Variants in EPB41L2 observed in about 807,000 individuals in gnomAD.
EPB41L2 encodes erythrocyte membrane protein band 4.1 like 2.
EPB41L2 carries 43 observed loss-of-function variants against 113.0 expected under a neutral mutation model. The observed-to-expected ratio is 0.38, with a 90% confidence interval of 0.30 to 0.49. The LOEUF (loss-of-function observed/expected upper bound fraction) is 0.49, where lower values mean the gene tolerates loss of function less well. Among genes scored for constraint, EPB41L2 ranks in the 20% least tolerant of loss-of-function variants. The probability of loss-of-function intolerance (pLI) is 0.95; values close to 1 mark genes in which losing one functional copy is unlikely to be tolerated. For synonymous variants in EPB41L2, 442 were observed against 436.7 expected (o/e 1.01, Z -0.15); for missense variants, 1,147 against 1,223.4 (o/e 0.94, Z 0.93).
intron 3 of EPB41L2, among the ~76,000 whole-genome samples, chr6:130,939,556 A>T (rs905172248): frequency 6.6e-6 from 1 of 152,022 alleles, no homozygotes; most frequent in Non-Finnish European, 1.5e-5. Flanking sequence ...CCCGGCCCCA[A>T]ATAACATATT....
chr6:131,043,650 A>C (rs1199933299), intron 1 of EPB41L2, among the ~76,000 whole-genome samples: 1 of 152,336 alleles, frequency 6.6e-6, no homozygotes, highest in Non-Finnish European at 1.5e-5. Context: ...CACAATCGCA[A>C]TGTATGTACC....
At chr6:130,900,486 C>A (rs951909888) in intron 7 of EPB41L2, among the ~76,000 whole-genome samples, 3 of 152,212 alleles carry the variant, frequency 2.0e-5, no homozygotes. Context: ...AACGGGTCAT[C>A]TTCCAACGGA....
chr6:131,043,601 G>A (rs897378463), intron 1 of EPB41L2, among the ~76,000 whole-genome samples: 21 of 151,934 alleles, frequency 1.4e-4, no homozygotes, highest in African/African-American at 5.1e-4. Context: ...GAAAGAAAGG[G>A]ACAGAACCAA....
chr6:131,015,539 A>G (rs1787996090), intron 1 of EPB41L2, among the ~76,000 whole-genome samples: 1 of 152,234 alleles, frequency 6.6e-6, no homozygotes, highest in African/African-American at 2.4e-5. Context: ...CAGCCTGGGG[A>G]AGATTTACTT....
intron 1 of EPB41L2, among the ~76,000 whole-genome samples, chr6:130,980,705 CTA>C (rs1779210989): frequency 6.6e-6 from 1 of 152,142 alleles, no homozygotes; most frequent in African/African-American, 2.4e-5. Context: ...GGTAATCAAA[CTA>C]AACTCTGAAA....
intron 1 of EPB41L2, chr6:131,014,212 G>A (rs1319464335): frequency 6.6e-6 from 1 of 152,138 alleles, no homozygotes; most frequent in Non-Finnish European, 1.5e-5. Context: ...TCTTATTCAA[G>A]TATACAAAAT....
chr6:130,891,313 T>A (rs1792755483), intron 10 of EPB41L2, among the ~76,000 whole-genome samples: 1 of 152,106 alleles, frequency 6.6e-6, no homozygotes, highest in African/African-American at 2.4e-5. Flanking sequence ...ACAATTTTTT[T>A]AGAAATCATC....
intron 4 of EPB41L2, among the ~76,000 whole-genome samples, chr6:130,909,670 T>G (rs903915205): frequency 6.6e-6 from 1 of 152,182 alleles, no homozygotes; most frequent in Admixed American, 6.5e-5. Context: ...CTTAAGCTGA[T>G]AAGCAACTTC....
In EPB41L2 at chr6:130,925,704, T is replaced by C. The variant is rs563161535; in HGVS notation, c.810+901A>G. On this transcript the variant is annotated intron_variant, in intron 4 of 19. Coordinates refer to ENST00000337057, the MANE Select transcript of EPB41L2 (RefSeq NM_001431.4). ...TTAGGACAAACAGAAGAGCACATAA[T>C]TGGAAACATTATCAAGACCACCTTA... Among the ~76,000 whole-genome samples, 7 of 152,228 alleles carry C rather than the reference T, an allele frequency of 4.6e-5. No homozygotes were observed. In the South Asian group the frequency reaches 6.2e-4, roughly 14 times the overall value.
chr6:130,844,514 C>A (rs1776407653), intron 19 of EPB41L2, among the ~76,000 whole-genome samples: 1 of 152,002 alleles, frequency 6.6e-6, no homozygotes, highest in South Asian at 2.1e-4. Flanking sequence ...GAAGGTTGCG[C>A]AAGCTGGGAT....
chr6:130,857,620 G>GC (rs1780699777), intron 19 of EPB41L2, among the ~76,000 whole-genome samples: 1 of 126,716 alleles, frequency 7.9e-6, no homozygotes, highest in Non-Finnish European at 1.6e-5. Flanking sequence ...GTTCAGTGGC[G>GC]CAATGTTGGC....
intron 4 of EPB41L2, among the ~76,000 whole-genome samples, chr6:130,914,676 C>T (rs569857864): frequency 6.6e-6 from 1 of 152,210 alleles, no homozygotes; most frequent in East Asian, 1.9e-4. Context: ...CTCAGTGTTT[C>T]CCAAACATTA....
At chr6:130,865,001 T>G (rs9388863) in intron 17 of EPB41L2, among the ~76,000 whole-genome samples, 49,454 of 152,110 alleles carry the variant, frequency 0.33, 8,785 homozygotes, top group East Asian at 0.45. Flanking sequence ...ACGCTATTTA[T>G]ACTTCTAACA....
intron 19 of EPB41L2, among the ~76,000 whole-genome samples, chr6:130,855,503 T>A (rs1442742124): frequency 2.0e-5 from 3 of 152,190 alleles, no homozygotes; most frequent in African/African-American, 4.8e-5. Flanking sequence ...GCCCATTATA[T>A]ACCCTGTGTT....
intron 1 of EPB41L2, among the ~76,000 whole-genome samples, chr6:130,981,362 C>T (rs1379981696): frequency 6.6e-5 from 10 of 152,146 alleles, no homozygotes; most frequent in African/African-American, 1.9e-4. Context: ...AAGGGCTTGA[C>T]TAAATTTATT....
In EPB41L2 at chr6:130,869,679, C is replaced by T. The variant is rs778738417; in HGVS notation, c.2491G>A (p.Glu831Lys). ...CCCATGTCTTGCTTAAGAGCGCCTTCGTGTACACTCTTCTCTCCGGGTATC... is the reference window on the plus strand; with the variant it reads ...CCCATGTCTTGCTTAAGAGCGCCTTTGTGTACACTCTTCTCTCCGGGTATC... ...QKIPGEKSVH[E>K]GALKQDMGEE... The change falls in exon 15 of 20, where the codon GAA becomes AAA. Residue 831 changes from glutamate to lysine, a missense_variant. Coordinates refer to ENST00000337057, the MANE Select transcript of EPB41L2 (RefSeq NM_001431.4). 1.5e-5 allele frequency: 25 copies of T among 1,614,066 alleles called. No individual in the cohort carries two copies. The highest frequency in any genetic ancestry group is 1.6e-4 in the Middle Eastern group (1 of 6,084).
intron 1 of EPB41L2, among the ~76,000 whole-genome samples, chr6:131,054,514 T>C (rs1797240271): frequency 6.6e-6 from 1 of 152,228 alleles, no homozygotes; most frequent in South Asian, 2.1e-4. Context: ...TCTCTATCTC[T>C]ATTTATCCCT....
intron 1 of EPB41L2, among the ~76,000 whole-genome samples, chr6:131,031,191 A>C (rs1792082835): frequency 6.6e-6 from 1 of 152,230 alleles, no homozygotes; most frequent in Non-Finnish European, 1.5e-5. Context: ...AAATGACTGA[A>C]TCATTGGCTT....
intron 1 of EPB41L2, among the ~76,000 whole-genome samples, chr6:131,002,452 TA>T (rs1451581006): frequency 2.0e-5 from 3 of 152,166 alleles, no homozygotes; most frequent in Non-Finnish European, 4.4e-5. Flanking sequence ...TTAACATTAA[TA>T]AACAGGTCAA....
Sources: allele counts gnomAD v4.1 joint callset (sites outside exome capture counted in the v4.1 genomes callset), GRCh38; gene constraint gnomAD v4.1.1; transcripts MANE v1.5; gene names NCBI Gene and HGNC (gene_info 2026-07-23, HGNC 2026-07-21).